The following DCLRE1C variants were observed in gnomAD, a reference collection of about 807,000 sequenced individuals.
DCLRE1C encodes DNA cross-link repair 1C, also known as protein artemis.
A neutral mutation model predicts 61.4 loss-of-function variants in DCLRE1C; 47 were observed. That is an observed-to-expected ratio of 0.77 (90% confidence interval 0.61 to 0.98). DCLRE1C has a LOEUF of 0.98. DCLRE1C is among the 50% of genes least tolerant of loss of function. The probability of loss-of-function intolerance (pLI) is 0.00; values close to 1 mark genes in which losing one functional copy is unlikely to be tolerated. For missense variants in DCLRE1C, 858 were observed against 816.0 expected, an observed-to-expected ratio of 1.05 and a Z score of -0.63; for synonymous variants, 337 against 287.6, an observed-to-expected ratio of 1.17 and a Z score of -1.74.
chr10:14,918,753 AAAAC>A (rs995172155), intron 13 of DCLRE1C, among the ~76,000 whole-genome samples: 5 of 152,224 alleles, frequency 3.3e-5, no homozygotes, highest in African/African-American at 1.2e-4. Flanking sequence ...TATTGAAACA[AAAAC>A]AAATGTGGTT....
At chr10:14,909,762 T>G (rs1834939124) in intron 13 of DCLRE1C, among the ~76,000 whole-genome samples, 1 of 151,880 alleles carries the variant, frequency 6.6e-6, no homozygotes, top group African/African-American at 2.4e-5. Flanking sequence ...AGATGCTCAG[T>G]GGGTTGGCTG....
At chr10:14,945,961 T>C (rs41296350) in intron 2 of DCLRE1C, among the ~76,000 whole-genome samples, 121 of 127,880 alleles carry the variant, frequency 9.5e-4, no homozygotes, top group African/African-American at 3.2e-3. Flanking sequence ...CCCGGCCTAT[T>C]CTTTTTTTTT....
intron 4 of DCLRE1C, 93 bp from the exon 5 acceptor site, chr10:14,936,686 A>T (rs1839983561): frequency 1.2e-6 from 1 of 824,272 alleles, no homozygotes; most frequent in African/African-American, 1.7e-5. Context: ...ACATTTATGT[A>T]CCTTTTAACA....
intron 13 of DCLRE1C, among the ~76,000 whole-genome samples, chr10:14,912,768 T>C (rs1172982368): frequency 6.6e-6 from 1 of 152,212 alleles, no homozygotes; most frequent in Admixed American, 6.5e-5. Flanking sequence ...CACTGCAAGC[T>C]CTGCCTCCTG....
chr10:14,932,179 G>A (rs1839113262), intron 9 of DCLRE1C, among the ~76,000 whole-genome samples: 1 of 151,992 alleles, frequency 6.6e-6, no homozygotes, highest in Non-Finnish European at 1.5e-5. Context: ...AGCCAAGAGT[G>A]GGCCACTGCA....
intron 12 of DCLRE1C, among the ~76,000 whole-genome samples, chr10:14,921,079 G>A (rs1480169882): frequency 6.6e-6 from 1 of 152,072 alleles, no homozygotes; most frequent in Non-Finnish European, 1.5e-5. Flanking sequence ...AGCACTTGGG[G>A]AGGCCTAGGT....
In DCLRE1C at chr10:14,949,055, T is replaced by G; in HGVS notation, c.142A>C (p.Lys48Gln). 2 of 1,611,750 alleles carry G rather than the reference T, an allele frequency of 1.2e-6. No individual in the cohort carries two copies. Among genetic ancestry groups the G allele is most frequent in the South Asian group, 1.1e-5 (1 of 90,954 alleles). The stretch of plus-strand genomic sequence containing the variant: ...AATTACCTGCACTCCAACCTTCTTT[T>G]CAAGGTAGGGGCTCTTAATCCTTTC... ...HMKGLRAPTLKRRLECSLKVY... is the reference protein window; with the variant it reads ...HMKGLRAPTLQRRLECSLKVY... The change falls in exon 2 of 14, where the codon AAA becomes CAA. Residue 48 changes from lysine (K) to glutamine (Q), a missense_variant. By Grantham distance (53) the Lys-to-Gln change is moderately conservative. Transcript: ENST00000378278.
At chr10:14,909,437 CTCT>C (rs1834877929) in intron 13 of DCLRE1C, 107 bp from the exon 14 acceptor site, 4 of 961,980 alleles carry the variant, frequency 4.2e-6, no homozygotes, top group Non-Finnish European at 4.6e-6. Flanking sequence ...AGGGAGGCCA[CTCT>C]TCTTCAAAGG....
At chr10:14,899,871 G>A (rs1447231989), downstream of DCLRE1C, among the ~76,000 whole-genome samples, 1 of 152,156 alleles carries the variant, frequency 6.6e-6, no homozygotes, top group East Asian at 1.9e-4. Flanking sequence ...TAAACATTGA[G>A]GTGCCTACCA....
chr10:14,938,008 A>G (rs1185021045), intron 4 of DCLRE1C, among the ~76,000 whole-genome samples: 2 of 151,750 alleles, frequency 1.3e-5, no homozygotes, highest in African/African-American at 4.8e-5. Flanking sequence ...CTGCCTCTCC[A>G]GCCATCAGTA....
At chr10:14,924,505 T>C (rs1588993894) in intron 11 of DCLRE1C, among the ~76,000 whole-genome samples, 1 of 152,146 alleles carries the variant, frequency 6.6e-6, no homozygotes, top group Non-Finnish European at 1.5e-5. Context: ...AAAGTATAAA[T>C]GAGATTATGC....
intron 9 of DCLRE1C, among the ~76,000 whole-genome samples, chr10:14,930,884 A>G (rs1258020868): frequency 6.6e-6 from 1 of 152,224 alleles, no homozygotes; most frequent in African/African-American, 2.4e-5. Context: ...CAGCTTACCA[A>G]TCAGCAAAAA....
At chr10:14,909,417 TG>T in intron 13 of DCLRE1C, 87 bp from the exon 14 acceptor site, 1 of 1,257,322 alleles carries the variant, frequency 8.0e-7, no homozygotes, top group Non-Finnish European at 1.1e-6. Context: ...TTCTTGGAAT[TG>T]CAAAGAATAG....
intron 3 of DCLRE1C, among the ~76,000 whole-genome samples, chr10:14,940,743 C>T (rs549415851): frequency 2.0e-5 from 3 of 152,334 alleles, no homozygotes; most frequent in Admixed American, 2.0e-4. Flanking sequence ...CTAAAACTTA[C>T]AGTGTCTAAG....
chr10:14,901,300 CA>C (rs1224482646), downstream of DCLRE1C: 11 of 1,610,974 alleles, frequency 6.8e-6, no homozygotes, highest in Non-Finnish European at 8.5e-6. Flanking sequence ...GTGTCAGTTT[CA>C]ATATGAAGAA....
chr10:14,948,356 T>C (rs935289380), intron 2 of DCLRE1C, among the ~76,000 whole-genome samples: 20 of 152,174 alleles, frequency 1.3e-4, no homozygotes, highest in African/African-American at 4.1e-4. Context: ...TTTTCAAATA[T>C]GTATCTTGAG....
intron 2 of DCLRE1C, among the ~76,000 whole-genome samples, chr10:14,946,368 G>C (rs1214007207): frequency 6.6e-6 from 1 of 152,142 alleles, no homozygotes; most frequent in Non-Finnish European, 1.5e-5. Context: ...GTCTACGGTA[G>C]ATTGTATTTT....
chr10:14,919,579 A>G (rs1185706818), intron 13 of DCLRE1C, among the ~76,000 whole-genome samples, 159 bp downstream of exon 13: 4 of 152,212 alleles, frequency 2.6e-5, no homozygotes, highest in African/African-American at 7.2e-5. Context: ...CAGGCTGAAG[A>G]CAGGAAGGCA....
intron 13 of DCLRE1C, among the ~76,000 whole-genome samples, chr10:14,916,509 G>C (rs1022920165): frequency 6.6e-6 from 1 of 152,152 alleles, no homozygotes; most frequent in Non-Finnish European, 1.5e-5. Flanking sequence ...GATTAAAGAG[G>C]TTCAACCATT....
Sources: allele counts gnomAD v4.1 joint callset (sites outside exome capture counted in the v4.1 genomes callset), GRCh38; gene constraint gnomAD v4.1.1; transcripts MANE v1.5; gene names NCBI Gene and HGNC (gene_info 2026-07-23, HGNC 2026-07-21).